CDT1: variants seen among roughly 807,000 people sequenced by gnomAD.
The protein encoded by CDT1 is chromatin licensing and DNA replication factor 1, also known as DNA replication factor Cdt1.
In CDT1, 66 loss-of-function variants were observed where a neutral mutation model predicts 49.3. That is an observed-to-expected ratio of 1.34 (90% confidence interval 1.10 to 1.64). CDT1 has a LOEUF of 1.64. CDT1 is among the 40% of genes most tolerant of loss of function. The pLI is 0.00. For missense variants in CDT1, 958 were observed against 807.7 expected (o/e 1.19, Z -2.26); for synonymous variants, 424 against 347.4 (o/e 1.22, Z -2.45).
Position 88,806,496 on chromosome 16 carries a change from C to T in CDT1, c.944C>T (p.Ala315Val). 1.2e-6 allele frequency: 2 copies of T among 1,610,482 alleles called. No individual in the cohort carries two copies. The highest frequency in any genetic ancestry group is 1.7e-6 in the Non-Finnish European group (2 of 1,178,976). ...ACTCCTTCTCCCCAGGCCTTCCTGG[C>T]CTCCCTGAGCCCCGCCATGGTGGTG... ...HVKEHHKAFL[A>V]SLSPAMVVPE... Residue 315 changes from alanine to valine, a missense_variant, in exon 7 of 10, where the codon GCC (alanine) becomes GTC (valine). Ala to Val is a moderately conservative substitution (Grantham distance 64). Transcript: ENST00000301019.
Position 88,804,746 on chromosome 16 carries a change from C to G in CDT1, c.352-16C>G. ...CTGCCTGCCTGACGGCACCGTGTCC[C>G]CTGATCCCCCTGAAGGACACCATCT... On this transcript the variant is annotated splice_polypyrimidine_tract_variant and intron_variant, in intron 2 of 9. Transcript: ENST00000301019. The G allele has an allele frequency of 1.2e-6, 2 of 1,612,798 alleles. No homozygotes were observed. The highest frequency in any genetic ancestry group is 1.7e-6 in the Non-Finnish European group (2 of 1,179,864).
At chr16:88,807,617 C>CCCAGG in intron 9 of CDT1, 135 bp downstream of exon 9, 1 of 913,316 alleles carries the variant, frequency 1.1e-6, no homozygotes, top group Non-Finnish European at 1.7e-6. Flanking sequence ...TGGCCTCTTG[C>CCCAGG]ACTGGTGTGT....
At position 88,806,120 on chromosome 16, in the gene CDT1, A is replaced by G; in HGVS notation, c.932A>G (p.Lys311Arg). The G allele has an allele frequency of 1.3e-6, 2 of 1,595,154 alleles. No homozygotes were observed. Among genetic ancestry groups the G allele is most frequent in the Non-Finnish European group, 1.7e-6 (2 of 1,175,864 alleles). Reference protein sequence around the residue: ...KLVEHVKEHHKAFLASLSPAM... With the variant: ...KLVEHVKEHHRAFLASLSPAM... ...GTGGAGCATGTCAAGGAGCACCACA[A>G]GGTGAGCGGCCCCCGGCCCCGCTGT... The change falls in exon 6 of 10, where the codon AAG becomes AGG. Residue 311 changes from lysine to arginine, a missense_variant and splice_region_variant. Physicochemically the swap from Lys to Arg is conservative, Grantham distance 26. Coordinates refer to ENST00000301019, the MANE Select transcript of CDT1 (RefSeq NM_030928.4).
Position 88,808,623 on chromosome 16 carries a change from G to C in CDT1, c.*345G>C, listed in dbSNP as rs1393092629. On this transcript the variant is annotated 3_prime_UTR_variant, in exon 10 of 10. Transcript: ENST00000301019. ...CTCTGTGGCAATATGGGGTTGGGTA[G>C]TGTGGGTGGCAGGCCATCCCCTCTA... The C allele has an allele frequency of 2.0e-5, 7 of 347,850 alleles. No homozygotes were observed. The highest frequency in any genetic ancestry group is 3.6e-5 in the South Asian group (1 of 28,140). 21.5% of individuals were successfully genotyped at this position (347,850 alleles called of 1,614,324 possible).
chr16:88,808,157 C>T lies in CDT1; in HGVS notation c.1520C>T (p.Pro507Leu), dbSNP rs528354191. Residue 507 changes from proline (P) to leucine (L), a missense_variant, in exon 10 of 10, where the codon CCG becomes CTG. By Grantham distance (98) the Pro-to-Leu change is moderately conservative. Coordinates refer to ENST00000301019, the MANE Select transcript of CDT1 (RefSeq NM_030928.4). ...KHLLLLSELL[P>L]DWLSLHRIRT... ...CTGCTGCTCCTCTCCGAGCTGCTGC[C>T]GGACTGGCTCAGCCTCCACCGCATC... is the stretch of plus-strand genomic sequence containing the variant. 67 of 1,612,810 alleles carry T rather than the reference C, an allele frequency of 4.2e-5. No homozygotes were observed. The highest frequency in any genetic ancestry group is 5.5e-5 in the South Asian group (5 of 91,040).
intron 3 of CDT1, 21 bp downstream of exon 3, chr16:88,804,919 C>T: frequency 6.5e-7 from 1 of 1,539,488 alleles, no homozygotes; most frequent in East Asian, 2.4e-5. Context: ...GGTGGGCGGC[C>T]ACGAGGCCCC....
rs764245837 is a variant in CDT1, at chr16:88,807,134, C to T, written c.1206C>T (p.Thr402=). 3.7e-6 allele frequency: 6 copies of T among 1,612,566 alleles called. No individual in the cohort carries two copies. In the Admixed American group the frequency reaches 1.0e-4, roughly 27 times the overall value. The change falls in exon 8 of 10, where the codon ACC becomes ACT. Residue 402 remains threonine (T), a synonymous_variant. Coordinates refer to ENST00000301019, the MANE Select transcript of CDT1 (RefSeq NM_030928.4). ...PGSPRPALPA[T]PPATPPAASP... is the part of the protein sequence containing the mutation. Reference sequence around the variant, plus strand: ...CTCCCAGGCCAGCACTGCCGGCTACCCCACCAGCCACCCCGCCTGCAGCCT... The same window carrying T: ...CTCCCAGGCCAGCACTGCCGGCTACTCCACCAGCCACCCCGCCTGCAGCCT...
chr16:88,806,311 C>A, intron 6 of CDT1, 175 bp from the exon 7 acceptor site: 1 of 988,736 alleles, frequency 1.0e-6, no homozygotes, highest in South Asian at 1.4e-5. Flanking sequence ...CCAAGGCGTT[C>A]AGCGAGCGCG....
At chr16:88,808,076 GC>G (rs749499615) in intron 9 of CDT1, 38 bp from the exon 10 acceptor site, 1 of 1,605,862 alleles carries the variant, frequency 6.2e-7, no homozygotes, top group South Asian at 1.1e-5. Flanking sequence ...CAGGGCTGGG[GC>G]CCAGCACCAG....
In CDT1 at chr16:88,805,430, T is replaced by G. The variant is rs1908812015; in HGVS notation, c.489-10T>G. The G allele has an allele frequency of 6.2e-7, 1 of 1,612,208 alleles. No homozygotes were observed. Reference sequence around the variant, plus strand: ...TACTGCTTCTCATGAGGCTCCTCCCTCCCTGACAGTGGCGAGAAGGCGCCC... The same window carrying G: ...TACTGCTTCTCATGAGGCTCCTCCCGCCCTGACAGTGGCGAGAAGGCGCCC... On this transcript the variant is annotated splice_polypyrimidine_tract_variant and intron_variant, in intron 3 of 9. Transcript: ENST00000301019.
rs375852346 is a variant in CDT1, at chr16:88,807,270, A to G, written c.1276-11A>G. 2 of 1,611,902 alleles carry G rather than the reference A, an allele frequency of 1.2e-6. No individual in the cohort carries two copies. Among genetic ancestry groups the G allele is most frequent in the Non-Finnish European group, 1.7e-6 (2 of 1,179,858 alleles). On this transcript the variant is annotated splice_polypyrimidine_tract_variant and intron_variant, in intron 8 of 9. Coordinates refer to ENST00000301019, the MANE Select transcript of CDT1 (RefSeq NM_030928.4). ...TGCTGCCCACTAACCAGGTCCCGGT[A>G]CCTGCTGCAGATCCGAGCCAAGGAG...
chr16:88,806,924 G>C (rs1012111622), intron 7 of CDT1, 127 bp from the exon 8 acceptor site: 7 of 1,331,354 alleles, frequency 5.3e-6, no homozygotes, highest in Non-Finnish European at 7.5e-6. Context: ...ACACTGCATT[G>C]ACCGGCACAG....
At position 88,807,100 on chromosome 16, in the gene CDT1, GC is replaced by G. The variant is rs1280833517; in HGVS notation, c.1176del (p.Ser394LeufsTer22). 6.2e-7 allele frequency: 1 copy of G among 1,612,812 alleles called. No homozygotes were observed. Among genetic ancestry groups the G allele is most frequent in the South Asian group, 1.1e-5 (1 of 91,090 alleles). On this transcript the variant is annotated frameshift_variant, in exon 8 of 10. Transcript: ENST00000301019. LOFTEE classifies it high-confidence loss of function. ...GCCCTGCGCTCTGCTGCGCCCAGCA[GC>G]CCCGGGTCTCCCAGGCCAGCACTGC... ...QLALRSAAPS[S>X]PGSPRPALPA... is the part of the protein sequence containing the mutation.
chr16:88,808,509 C>T lies in CDT1; in HGVS notation c.*231C>T, dbSNP rs1908959851. 1.7e-6 allele frequency: 1 copy of T among 576,758 alleles called. No homozygotes were observed. Among genetic ancestry groups the T allele is most frequent in the Non-Finnish European group, 3.1e-6 (1 of 326,020 alleles). The allele number at this position is 576,758 out of a possible 1,614,324, so 35.7% of individuals were successfully genotyped here. On this transcript the variant is annotated 3_prime_UTR_variant, in exon 10 of 10. Coordinates refer to ENST00000301019, the MANE Select transcript of CDT1 (RefSeq NM_030928.4). ...TTCACATTAAACCGGTTTCTGTGGG[C>T]ACCTCTGTCCTTGCTGCTGGTGGGG...
intron 7 of CDT1, 134 bp downstream of exon 7, chr16:88,806,808 G>A: frequency 1.6e-6 from 2 of 1,282,240 alleles, no homozygotes; most frequent in Admixed American, 4.1e-5. Flanking sequence ...CGGATCCAGA[G>A]AGTTGGTGGC....
Position 88,809,013 on chromosome 16 carries a change from T to A in CDT1, c.*735T>A, listed in dbSNP as rs1411665860. The A allele has an allele frequency of 2.3e-5, 4 of 170,450 alleles. No homozygotes were observed. The highest frequency in any genetic ancestry group is 5.6e-5 in the Admixed American group (1 of 17,966). The allele number at this position is 170,450 out of a possible 1,614,324, so 10.6% of individuals were successfully genotyped here. A position where few individuals can be genotyped will look rare whatever the true frequency, so the allele number is the denominator to read the frequency against. Reference sequence around the variant, plus strand: ...AGACTCCGTCTCAAAAAAAAAAATTTCAAGACTGGAGAGGTGATCCTGAAT... The same window carrying A: ...AGACTCCGTCTCAAAAAAAAAAATTACAAGACTGGAGAGGTGATCCTGAAT... On this transcript the variant is annotated 3_prime_UTR_variant, in exon 10 of 10. Transcript: ENST00000301019.
In CDT1 at chr16:88,808,549, C is replaced by A; in HGVS notation, c.*271C>A. On this transcript the variant is annotated 3_prime_UTR_variant, in exon 10 of 10. Transcript: ENST00000301019. ...TGCTGGTGGGGAAGGGAAGCCAGAT[C>A]CAGCACCCCCTGGGGGGCCATCGGG... 2 of 527,590 alleles carry A rather than the reference C, an allele frequency of 3.8e-6. No individual in the cohort carries two copies. Among genetic ancestry groups the A allele is most frequent in the Non-Finnish European group, 6.8e-6 (2 of 295,300 alleles). 32.7% of individuals were successfully genotyped at this position (527,590 alleles called of 1,614,324 possible).
rs375939849 is a variant in CDT1 at position 88,806,276 on chromosome 16, G to A, written c.933+155G>A. On this transcript the variant is annotated intron_variant, in intron 6 of 9. Coordinates refer to ENST00000301019, the MANE Select transcript of CDT1 (RefSeq NM_030928.4). ...AGCTGAGGGCTGGTGTGCTCAGGGT[G>A]CAGCCGCAGGCACTGAGGAGGTCCC... is the stretch of plus-strand genomic sequence containing the variant. The A allele has an allele frequency of 1.7e-5, 16 of 966,450 alleles. No homozygotes were observed. The African/African-American group carries it at 2.6e-4, about 16-fold the overall frequency. 59.9% of individuals were successfully genotyped at this position (966,450 alleles called of 1,614,324 possible).
At position 88,806,088 on chromosome 16, in the gene CDT1, G is replaced by C. The variant is rs143149360; in HGVS notation, c.900G>C (p.Gln300His). 420 of 1,601,910 alleles carry C rather than the reference G, an allele frequency of 2.6e-4. 1 individual carries two copies. In the African/African-American group the frequency reaches 5.1e-3, roughly 19 times the overall value. Residue 300 changes from glutamine (Q) to histidine (H), a missense_variant, in exon 6 of 10, where the codon CAG becomes CAC. Gln to His is a conservative substitution (Grantham distance 24, BLOSUM62 0). Coordinates refer to ENST00000301019, the MANE Select transcript of CDT1 (RefSeq NM_030928.4). ...RLLQRRQIFS[Q>H]KLVEHVKEHH... ...TGCAGCGACGGCAGATCTTCAGCCA[G>C]AAGCTGGTGGAGCATGTCAAGGAGC... is the stretch of plus-strand genomic sequence containing the variant.
Sources: gnomAD v4.1 joint callset for allele counts on GRCh38, gnomAD v4.1.1 for gene constraint, MANE v1.5 for transcripts, NCBI Gene and HGNC (gene_info 2026-07-23, HGNC 2026-07-21) for gene names.